Variants in PTPRQ observed in about 807,000 individuals in gnomAD.
PTPRQ encodes the protein protein tyrosine phosphatase receptor type Q.
Under a neutral mutation model 246.0 loss-of-function variants are expected in PTPRQ, and 199 were observed. That is an observed-to-expected ratio of 0.81 (90% CI 0.72 to 0.91). PTPRQ has a LOEUF of 0.91. Ranked by LOEUF, PTPRQ falls within the 40% of genes least tolerant of loss-of-function variation. The probability of loss-of-function intolerance (pLI) is 0.00; values close to 1 mark genes in which losing one functional copy is unlikely to be tolerated. For synonymous variants in PTPRQ, 869 were observed against 853.2 expected (o/e 1.02, Z -0.32); for missense variants, 2,624 against 2,528.4 (o/e 1.04, Z -0.81).
intron 27 of PTPRQ, among the ~76,000 whole-genome samples, chr12:80,608,169 A>C (rs1192252817): frequency 6.6e-6 from 1 of 150,594 alleles, no homozygotes; most frequent in African/African-American, 2.4e-5. Context: ...GAAGTGGGGC[A>C]GGAAGAGGAG....
intron 26 of PTPRQ, among the ~76,000 whole-genome samples, chr12:80,590,196 T>C (rs1897746658): frequency 6.6e-6 from 1 of 152,118 alleles, no homozygotes; most frequent in Non-Finnish European, 1.5e-5. Context: ...CCTTTCCTCC[T>C]CAATCCTGCC....
chr12:80,655,587 CTCTG>C (rs1900406031), intron 38 of PTPRQ, among the ~76,000 whole-genome samples: 1 of 151,780 alleles, frequency 6.6e-6, no homozygotes, highest in South Asian at 2.1e-4. Flanking sequence ...CTCTCTCTCT[CTCTG>C]TCTCTCTCTC....
In PTPRQ at chr12:80,506,035, GC is replaced by G; in HGVS notation, c.2285del (p.Ala762AspfsTer47). The G allele has an allele frequency of 1.1e-5, 17 of 1,544,988 alleles. No individual in the cohort carries two copies. Among genetic ancestry groups the G allele is most frequent in the Non-Finnish European group, 1.5e-5 (17 of 1,144,304 alleles). ...TTTGTTTCTTTCAGTGCCTGATAGT[GC>G]ACCAGAAAATATCACTTACAAAAAT... ...VRTSETVPDS[A>X]PENITYKNIS... On this transcript the variant is annotated frameshift_variant, in exon 15 of 45. Transcript: ENST00000644991. LOFTEE classifies it high-confidence loss of function.
chr12:80,496,275 C>G lies in PTPRQ; in HGVS notation c.2016C>G (p.Val672=), dbSNP rs760554958. ...AACCGGAATCATCACCTCAAGATGT[C>G]GAAGTAATTGATGTTACCGCAGATG... ...EDEPESSPQD[V]EVIDVTADEI... Residue 672 remains valine (V), a synonymous_variant, in exon 14 of 45, where the codon GTC becomes GTG. Transcript: ENST00000644991. 3.2e-6 allele frequency: 5 copies of G among 1,550,374 alleles called. No homozygotes were observed. In the South Asian group the frequency reaches 4.8e-5, roughly 15 times the overall value.
At chr12:80,510,479 A>C in intron 17 of PTPRQ, 36 bp downstream of exon 17, 1 of 1,507,646 alleles carries the variant, frequency 6.6e-7, no homozygotes. Context: ...TTCTGAGAAC[A>C]GATATTAATC....
chr12:80,601,888 T>C (rs968478980), intron 26 of PTPRQ, among the ~76,000 whole-genome samples: 6 of 151,788 alleles, frequency 4.0e-5, no homozygotes, highest in Non-Finnish European at 7.4e-5. Flanking sequence ...CCTAGGACCA[T>C]AAAGCTAGCA....
chr12:80,469,453 T>C (rs938377829), intron 7 of PTPRQ, among the ~76,000 whole-genome samples: 1 of 152,164 alleles, frequency 6.6e-6, no homozygotes, highest in Admixed American at 6.6e-5. Context: ...AAGTATTATA[T>C]CATTAGAAGT....
chr12:80,658,525 G>T (rs1002785395), intron 39 of PTPRQ, among the ~76,000 whole-genome samples: 1 of 151,946 alleles, frequency 6.6e-6, no homozygotes, highest in African/African-American at 2.4e-5. Context: ...ATGCACTCAA[G>T]ATCTCCACTT....
chr12:80,679,074 CAA>C lies in PTPRQ; in HGVS notation c.*53_*54del. ...GAAGAGATTTTTAAATCCCAGGGGC[CAA>C]AGTTACCCCCTCATTCTTCCGAATT... is the stretch of plus-strand genomic sequence containing the variant. On this transcript the variant is annotated 3_prime_UTR_variant, in exon 45 of 45. Transcript: ENST00000644991. The C allele has an allele frequency of 6.5e-7, 1 of 1,529,988 alleles. No individual in the cohort carries two copies. The allele number at this position is 1,529,988 out of a possible 1,614,324, so 94.8% of individuals were successfully genotyped here.
At chr12:80,497,367 C>A (rs566109805) in intron 14 of PTPRQ, among the ~76,000 whole-genome samples, 1 of 151,976 alleles carries the variant, frequency 6.6e-6, no homozygotes, top group South Asian at 2.1e-4. Flanking sequence ...ATAGAGTTTG[C>A]GCTCCAATGA....
chr12:80,599,703 T>C (rs1186737525), intron 26 of PTPRQ, among the ~76,000 whole-genome samples: 3 of 151,654 alleles, frequency 2.0e-5, no homozygotes, highest in African/African-American at 7.3e-5. Flanking sequence ...TATTTAAGTA[T>C]ATTATAATAC....
intron 25 of PTPRQ, among the ~76,000 whole-genome samples, chr12:80,585,910 A>G (rs1166271849): frequency 1.7e-5 from 2 of 117,510 alleles, no homozygotes; most frequent in African/African-American, 3.4e-5. Flanking sequence ...CAGTCCCCAG[A>G]GTGTGATGTT....
chr12:80,658,374 T>A (rs1162927817), intron 39 of PTPRQ, among the ~76,000 whole-genome samples: 2 of 152,036 alleles, frequency 1.3e-5, no homozygotes, highest in East Asian at 1.9e-4. Flanking sequence ...AGTTTGCCAA[T>A]CTCTGTGAAT....
At chr12:80,617,889 C>G (rs2121123348) in intron 30 of PTPRQ, among the ~76,000 whole-genome samples, 1 of 151,398 alleles carries the variant, frequency 6.6e-6, no homozygotes, top group Admixed American at 6.6e-5. Flanking sequence ...TGGGGACTCC[C>G]AAGTGGCCTG....
At chr12:80,653,346 T>C (rs540357632) in intron 38 of PTPRQ, among the ~76,000 whole-genome samples, 49 of 152,276 alleles carry the variant, frequency 3.2e-4, no homozygotes, top group Non-Finnish European at 6.6e-4. Flanking sequence ...CATTTTTCAA[T>C]CAATAAGAAA....
At chr12:80,520,842 G>C (rs1895458708) in intron 17 of PTPRQ, among the ~76,000 whole-genome samples, 2 of 151,912 alleles carry the variant, frequency 1.3e-5, no homozygotes, top group South Asian at 4.2e-4. Context: ...TGTCTTTATA[G>C]AAGCATGTTT....
At chr12:80,617,900 G>A (rs1239563873) in intron 30 of PTPRQ, among the ~76,000 whole-genome samples, 1 of 151,340 alleles carries the variant, frequency 6.6e-6, no homozygotes, top group African/African-American at 2.4e-5. Context: ...AAGTGGCCTG[G>A]CTGAGAATCT....
chr12:80,656,869 C>A (rs1181420365), intron 38 of PTPRQ, among the ~76,000 whole-genome samples: 3 of 126,926 alleles, frequency 2.4e-5, no homozygotes, highest in African/African-American at 4.0e-5. Context: ...ATTTATACCT[C>A]ATTCCTCAAA....
chr12:80,596,854 T>C (rs1194466043), intron 26 of PTPRQ, among the ~76,000 whole-genome samples: 1 of 152,044 alleles, frequency 6.6e-6, no homozygotes, highest in African/African-American at 2.4e-5. Flanking sequence ...GCCTAGTAAA[T>C]CAATTGAGAT....
Sources: allele counts gnomAD v4.1 joint callset (sites outside exome capture counted in the v4.1 genomes callset), GRCh38; gene constraint gnomAD v4.1.1; transcripts MANE v1.5; gene names NCBI Gene and HGNC (gene_info 2026-07-23, HGNC 2026-07-21).